Variants in CEP170 observed in about 807,000 individuals in gnomAD.
CEP170 encodes centrosomal protein of 170 kDa.
In CEP170, 21 loss-of-function variants were observed where a neutral mutation model predicts 151.9. The ratio of observed to expected loss-of-function variants is 0.14; its 90% CI spans 0.10 to 0.20. The LOEUF (loss-of-function observed/expected upper bound fraction) is 0.20, where lower values mean the gene tolerates loss of function less well. Ranked by LOEUF, CEP170 falls within the 10% of genes least tolerant of loss-of-function variation. The probability of loss-of-function intolerance (pLI) is 1.00; values close to 1 mark genes in which losing one functional copy is unlikely to be tolerated. For missense variants in CEP170, 964 were observed against 1,892.9 expected (o/e 0.51, Z 9.11); for synonymous variants, 356 against 648.8 (o/e 0.55, Z 6.86).
intron 7 of CEP170, among the ~76,000 whole-genome samples, chr1:243,193,615 A>T (rs557999846): frequency 6.6e-6 from 1 of 152,052 alleles, no homozygotes; most frequent in Non-Finnish European, 1.5e-5. Context: ...ACTCGCATTC[A>T]CTCAAAGCTA....
At chr1:243,241,683 G>C (rs949444855) in intron 1 of CEP170, among the ~76,000 whole-genome samples, 3 of 151,672 alleles carry the variant, frequency 2.0e-5, no homozygotes, top group African/African-American at 7.3e-5. Flanking sequence ...CCAGCTAATC[G>C]GGTGGCTGAA....
At chr1:243,255,750 T>C (rs1158261669), upstream of CEP170, among the ~76,000 whole-genome samples, 1 of 152,214 alleles carries the variant, frequency 6.6e-6, no homozygotes, top group African/African-American at 2.4e-5. Context: ...CAGTGAGCCC[T>C]TTCTGTCATT....
chr1:243,215,691 C>T (rs2148941259), intron 3 of CEP170, among the ~76,000 whole-genome samples: 1 of 152,234 alleles, frequency 6.6e-6, no homozygotes, highest in African/African-American at 2.4e-5. Context: ...TTTAATTTCA[C>T]CTGGGTCCTG....
chr1:243,254,045 C>A (rs1478030287), intron 1 of CEP170, among the ~76,000 whole-genome samples: 1 of 152,108 alleles, frequency 6.6e-6, no homozygotes. Context: ...AACAATTCTG[C>A]TTGTTCATTT....
chr1:243,249,529 G>A (rs891684996), intron 1 of CEP170, among the ~76,000 whole-genome samples: 1 of 152,146 alleles, frequency 6.6e-6, no homozygotes, highest in Non-Finnish European at 1.5e-5. Context: ...TAACTCAGCA[G>A]ATAAGATGTA....
intron 7 of CEP170, among the ~76,000 whole-genome samples, chr1:243,197,745 C>T (rs2060753583): frequency 1.3e-5 from 2 of 151,986 alleles, no homozygotes; most frequent in Admixed American, 1.3e-4. Flanking sequence ...AAGTAAACAA[C>T]CCTCATGGGG....
intron 1 of CEP170, among the ~76,000 whole-genome samples, chr1:243,228,626 T>C (rs1558653196): frequency 6.6e-6 from 1 of 152,108 alleles, no homozygotes; most frequent in Non-Finnish European, 1.5e-5. Context: ...TCAAGGGAAC[T>C]GAAACAAAAC....
At chr1:243,159,837 G>T (rs2148496591) in intron 13 of CEP170, among the ~76,000 whole-genome samples, 1 of 144,826 alleles carries the variant, frequency 6.9e-6, no homozygotes, top group East Asian at 2.1e-4. Flanking sequence ...CACCCAGGCT[G>T]GAGGGCAATG....
chr1:243,127,263 G>A (rs1270681142), intron 19 of CEP170, among the ~76,000 whole-genome samples: 1 of 152,160 alleles, frequency 6.6e-6, no homozygotes, highest in Admixed American at 6.5e-5. Flanking sequence ...GAGATACAGG[G>A]GTTCCCTCAG....
intron 4 of CEP170, among the ~76,000 whole-genome samples, chr1:243,211,037 A>C (rs540696873): frequency 6.6e-6 from 1 of 151,968 alleles, no homozygotes; most frequent in South Asian, 2.1e-4. Flanking sequence ...AGTCCATCCA[A>C]ATTGCTATGC....
chr1:243,230,418 C>T (rs2063636405), intron 1 of CEP170, among the ~76,000 whole-genome samples: 1 of 151,936 alleles, frequency 6.6e-6, no homozygotes, highest in Non-Finnish European at 1.5e-5. Context: ...CCGTTAAAGC[C>T]CATTGTAGTT....
intron 1 of CEP170, among the ~76,000 whole-genome samples, chr1:243,247,534 A>T (rs2065529198): frequency 6.6e-6 from 1 of 152,070 alleles, no homozygotes; most frequent in African/African-American, 2.4e-5. Flanking sequence ...TTGTATTTTT[A>T]GTAGAGACGG....
At chr1:243,193,946 T>G (rs1215106777) in intron 7 of CEP170, among the ~76,000 whole-genome samples, 1 of 151,840 alleles carries the variant, frequency 6.6e-6, no homozygotes, top group African/African-American at 2.4e-5. Context: ...AATAAATGCT[T>G]CTCCCTCCAC....
intron 14 of CEP170, among the ~76,000 whole-genome samples, chr1:243,152,395 G>A (rs910140353): frequency 6.7e-6 from 1 of 150,338 alleles, no homozygotes; most frequent in Non-Finnish European, 1.5e-5. Flanking sequence ...CTAATTTTTT[G>A]TATTTTTAGT....
chr1:243,241,564 TG>T (rs1485935908), intron 1 of CEP170, among the ~76,000 whole-genome samples: 1 of 151,002 alleles, frequency 6.6e-6, no homozygotes, highest in African/African-American at 2.4e-5. Context: ...CCGAGGCGGG[TG>T]GATCACTTGT....
At chr1:243,131,349 C>T (rs867750666) in intron 17 of CEP170, among the ~76,000 whole-genome samples, 83 of 148,990 alleles carry the variant, frequency 5.6e-4, no homozygotes, top group South Asian at 1.3e-3. Context: ...AAAAAATTAG[C>T]AGGTGTGGTG....
intron 1 of CEP170, among the ~76,000 whole-genome samples, chr1:243,242,585 C>G (rs2064960195): frequency 6.6e-6 from 1 of 152,184 alleles, no homozygotes; most frequent in Admixed American, 6.5e-5. Flanking sequence ...ACCAAGCAGT[C>G]CCATCCCCTT....
At chr1:243,232,644 G>A (rs1405970006) in intron 1 of CEP170, among the ~76,000 whole-genome samples, 1 of 152,134 alleles carries the variant, frequency 6.6e-6, no homozygotes, top group Non-Finnish European at 1.5e-5. Context: ...TGAGAAGCCT[G>A]CGGAATCCAG....
intron 1 of CEP170, among the ~76,000 whole-genome samples, chr1:243,252,632 T>C (rs2066046700): frequency 6.6e-6 from 1 of 152,130 alleles, no homozygotes; most frequent in South Asian, 2.1e-4. Context: ...ACTATTCTAA[T>C]GTTAAAATAG....
Sources: allele counts gnomAD v4.1 joint callset (sites outside exome capture counted in the v4.1 genomes callset), GRCh38; gene constraint gnomAD v4.1.1; transcripts MANE v1.5; gene names NCBI Gene and HGNC (gene_info 2026-07-23, HGNC 2026-07-21).